CASZ1: variants seen among roughly 807,000 people sequenced by gnomAD.
CASZ1 encodes castor zinc finger 1, also known as zinc finger protein castor homolog 1.
Under a neutral mutation model 135.2 loss-of-function variants are expected in CASZ1, and 28 were observed. The ratio of observed to expected loss-of-function variants is 0.21; its 90% CI spans 0.15 to 0.28. The LOEUF is 0.28. Among genes scored for constraint, CASZ1 ranks in the 10% least tolerant of loss-of-function variants. The pLI is 1.00. For synonymous variants in CASZ1, 1,068 were observed against 1,073.4 expected, an observed-to-expected ratio of 0.99 and a Z score of 0.10; for missense variants, 2,161 against 2,453.3, an observed-to-expected ratio of 0.88 and a Z score of 2.52.
intron 1 of CASZ1, among the ~76,000 whole-genome samples, chr1:10,787,349 C>T (rs954336864): frequency 6.6e-6 from 1 of 152,210 alleles, no homozygotes; most frequent in Non-Finnish European, 1.5e-5. Flanking sequence ...CGGGGCCACC[C>T]GTGTCTCACC....
At chr1:10,732,123 G>T (rs959653812) in intron 2 of CASZ1, among the ~76,000 whole-genome samples, 1 of 151,752 alleles carries the variant, frequency 6.6e-6, no homozygotes, top group Non-Finnish European at 1.5e-5. Context: ...TCAGGAGTTC[G>T]AGACCAGCCT....
chr1:10,659,976 T>C lies in CASZ1; in HGVS notation c.1066A>G (p.Ser356Gly), dbSNP rs1439964108. 1.9e-6 allele frequency: 3 copies of C among 1,613,512 alleles called. No homozygotes were observed. The African/African-American group carries it at 4.0e-5, about 22-fold the overall frequency. The change falls in exon 6 of 21, where the codon AGC becomes GGC. Residue 356 changes from serine (S) to glycine (G), a missense_variant. Physicochemically the swap from Ser to Gly is moderately conservative, Grantham distance 56. Transcript: ENST00000377022. ...YLHLFKPGEGSPDMGGAIAFK... is the reference protein window; with the variant it reads ...YLHLFKPGEGGPDMGGAIAFK... ...GCGATGGCCCCGCCCATGTCGGGGC[T>C]GCCCTCCCCGGGTTTGAAGAGGTGC...
intron 1 of CASZ1, among the ~76,000 whole-genome samples, chr1:10,769,849 C>T (rs982432697): frequency 6.6e-6 from 1 of 152,066 alleles, no homozygotes; most frequent in African/African-American, 2.4e-5. Context: ...ATGTGCCAGG[C>T]TCAGTGCTAA....
chr1:10,664,126 C>T (rs906786065), intron 5 of CASZ1, among the ~76,000 whole-genome samples: 1 of 152,234 alleles, frequency 6.6e-6, no homozygotes, highest in Non-Finnish European at 1.5e-5. Context: ...AATTAAACAG[C>T]TCTGTTTATA....
Position 10,666,433 on chromosome 1 carries a change from T to A in CASZ1, c.17-862A>T, listed in dbSNP as rs1643236880. Among the ~76,000 whole-genome samples, 1 of 152,084 alleles carries A rather than the reference T, an allele frequency of 6.6e-6. No individual in the cohort carries two copies. The highest frequency in any genetic ancestry group is 2.1e-4 in the South Asian group (1 of 4,826). On this transcript the variant is annotated intron_variant, in intron 4 of 20. Transcript: ENST00000377022. This position sits in a 1 kb window ranked among gnomAD's most constrained non-coding sequence, Gnocchi z 5.2. ...TCATGGCACTTCCTAGGGCCACTTG[T>A]CCCTATCCTAGGACCTTGCTCCCCA...
intron 4 of CASZ1, among the ~76,000 whole-genome samples, chr1:10,673,847 C>T (rs1308121688): frequency 2.6e-5 from 4 of 152,182 alleles, no homozygotes; most frequent in Non-Finnish European, 5.9e-5. Context: ...CTTGGCTCAA[C>T]AGGACCATCC....
chr1:10,753,506 G>A (rs754384110), intron 2 of CASZ1, among the ~76,000 whole-genome samples: 4 of 152,182 alleles, frequency 2.6e-5, no homozygotes, highest in Admixed American at 6.5e-5. Flanking sequence ...TCAGCTCAAC[G>A]GCTAATCCCC....
chr1:10,684,513 C>T (rs1349692951), intron 4 of CASZ1, among the ~76,000 whole-genome samples: 1 of 152,188 alleles, frequency 6.6e-6, no homozygotes, highest in Non-Finnish European at 1.5e-5. Context: ...TCAGGAGGTG[C>T]CTGGGCTCTC....
In CASZ1 at chr1:10,752,155, C is replaced by T. The variant is rs76054805; in HGVS notation, c.-77+8546G>A. Reference sequence around the variant, plus strand: ...AGGGCAGCAGACGGGGATTCTTGCTCAGTGCCCAAAGGTCCTGGAACACAG... The same window carrying T: ...AGGGCAGCAGACGGGGATTCTTGCTTAGTGCCCAAAGGTCCTGGAACACAG... On this transcript the variant is annotated intron_variant, in intron 2 of 20. Transcript: ENST00000377022. Among the ~76,000 whole-genome samples the T allele has an allele frequency of 6.1e-3, 924 of 152,328 alleles. 14 individuals carry two copies. The highest frequency in any genetic ancestry group is 0.021 in the African/African-American group (892 of 41,574).
rs1439182599 is a variant in CASZ1 at position 10,717,164 on chromosome 1, A to G, written c.-76-11620T>C. ...AAGCCCTTTCTCTGGAAGAATCAAA[A>G]TCATTATAGTATTTTTACCTAATGA... On this transcript the variant is annotated intron_variant, in intron 2 of 20. Transcript: ENST00000377022. The surrounding 1 kb of genome is among the most constrained non-coding windows in gnomAD (Gnocchi z 4.6). 6.6e-6 allele frequency among the ~76,000 whole-genome samples: 1 copy of G among 152,152 alleles called. No homozygotes were observed. The highest frequency in any genetic ancestry group is 1.5e-5 in the Non-Finnish European group (1 of 68,030).
chr1:10,732,812 C>T (rs1639726350), intron 2 of CASZ1, among the ~76,000 whole-genome samples: 1 of 152,322 alleles, frequency 6.6e-6, no homozygotes, highest in South Asian at 2.1e-4. Flanking sequence ...CTTGCCCCAT[C>T]AGGGCATAAG....
At chr1:10,645,194 T>A (rs1642329718) in intron 17 of CASZ1, 106 bp from the exon 18 acceptor site, 1 of 953,968 alleles carries the variant, frequency 1.0e-6, no homozygotes, top group African/African-American at 1.6e-5. Flanking sequence ...TGTTCTTCTC[T>A]GCTCAGAAGC....
intron 4 of CASZ1, among the ~76,000 whole-genome samples, chr1:10,673,465 G>A (rs999125050): frequency 4.0e-5 from 6 of 151,890 alleles, no homozygotes; most frequent in South Asian, 4.1e-4. Context: ...GCGCGTGCAC[G>A]CACACACACT....
chr1:10,746,098 A>G (rs549967509), intron 2 of CASZ1, among the ~76,000 whole-genome samples: 22 of 152,356 alleles, frequency 1.4e-4, no homozygotes, highest in African/African-American at 5.3e-4. Context: ...GCCTGTCGTC[A>G]TCATAGAGTG....
chr1:10,779,935 C>G (rs946123849), intron 1 of CASZ1, among the ~76,000 whole-genome samples: 12 of 152,156 alleles, frequency 7.9e-5, no homozygotes, highest in African/African-American at 2.9e-4. Flanking sequence ...GATCACCTGG[C>G]CCTTGGGGAT....
intron 2 of CASZ1, among the ~76,000 whole-genome samples, chr1:10,737,571 A>C (rs973233936): frequency 3.9e-5 from 6 of 152,212 alleles, no homozygotes; most frequent in African/African-American, 1.4e-4. Context: ...ATACCCTGAG[A>C]TATCTGGGGG....
In CASZ1 at chr1:10,647,220, T is replaced by TC; in HGVS notation, c.3497+580dup. Reference sequence around the variant, plus strand: ...GCTGCCACTCAGGCGATATAAATAATCCAATTTATTACTTTTATTGAGAAC... The same window carrying TC: ...GCTGCCACTCAGGCGATATAAATAATCCCAATTTATTACTTTTATTGAGAAC... On this transcript the variant is annotated intron_variant, in intron 16 of 20. Transcript: ENST00000377022. This position sits in a 1 kb window ranked among gnomAD's most constrained non-coding sequence, Gnocchi z 4.9. 1 of 988,104 alleles carries TC rather than the reference T, an allele frequency of 1.0e-6. No individual in the cohort carries two copies. The highest frequency in any genetic ancestry group is 1.2e-6 in the Non-Finnish European group (1 of 831,102). The allele number at this position is 988,104 out of a possible 1,614,324, so 61.2% of individuals were successfully genotyped here.
intron 1 of CASZ1, among the ~76,000 whole-genome samples, chr1:10,781,193 C>T (rs886821615): frequency 2.6e-5 from 4 of 152,380 alleles, no homozygotes; most frequent in African/African-American, 9.6e-5. Flanking sequence ...AGAGAAGCTC[C>T]TCCTTCGACC....
At chr1:10,738,932 T>TG (rs1356265209) in intron 2 of CASZ1, among the ~76,000 whole-genome samples, 1 of 149,752 alleles carries the variant, frequency 6.7e-6, no homozygotes, top group Non-Finnish European at 1.5e-5. Context: ...TTTTTTTTTT[T>TG]TTTTTTTTTT....
Sources: gnomAD v4.1 joint callset for allele counts (sites outside exome capture counted in the v4.1 genomes callset) on GRCh38, gnomAD v4.1.1 for gene constraint, Gnocchi (gnomAD v3.1) non-coding constraint, MANE v1.5 for transcripts, NCBI Gene and HGNC (gene_info 2026-07-23, HGNC 2026-07-21) for gene names.